SREBF2: variants seen among roughly 807,000 people sequenced by gnomAD.
The protein encoded by SREBF2 is sterol regulatory element binding transcription factor 2, also known as sterol regulatory element-binding protein 2.
Under a neutral mutation model 113.1 loss-of-function variants are expected in SREBF2, and 55 were observed. That is an observed-to-expected ratio of 0.49 (90% CI 0.39 to 0.61). SREBF2 has a LOEUF of 0.61. Among genes scored for constraint, SREBF2 ranks in the 20% least tolerant of loss-of-function variants. The pLI is 0.00. For synonymous variants in SREBF2, 593 were observed against 605.7 expected, an observed-to-expected ratio of 0.98 and a Z score of 0.31; for missense variants, 1,349 against 1,487.4, an observed-to-expected ratio of 0.91 and a Z score of 1.53.
At chr22:41,889,246 C>G (rs548329861) in intron 11 of SREBF2, among the ~76,000 whole-genome samples, 1 of 152,254 alleles carries the variant, frequency 6.6e-6, no homozygotes, top group Non-Finnish European at 1.5e-5. Context: ...CCCACCTCAC[C>G]CTCCCGAGTA....
At position 41,902,962 on chromosome 22, in the gene SREBF2, C is replaced by T; in HGVS notation, c.2908-8C>T. 6.2e-7 allele frequency: 1 copy of T among 1,608,258 alleles called. No homozygotes were observed. On this transcript the variant is annotated splice_polypyrimidine_tract_variant and splice_region_variant and intron_variant, in intron 16 of 18. Coordinates refer to ENST00000361204, the MANE Select transcript of SREBF2 (RefSeq NM_004599.4). ...CCTGTCTCCCCTCTCTCGTGGCTGA[C>T]CCCACAGGTGGTCCAGCTGCTCACC...
At position 41,883,663 on chromosome 22, in the gene SREBF2, T is replaced by G. The variant is rs1035786011; in HGVS notation, c.2039-1179T>G. ...ATGGTTGCCACACTGCCCTCTCACC[T>G]CCCTTCCTGTGTCTCCTGCAGGAGG... On this transcript the variant is annotated intron_variant, in intron 10 of 18. Coordinates refer to ENST00000361204, the MANE Select transcript of SREBF2 (RefSeq NM_004599.4). Among the ~76,000 whole-genome samples, 17 of 152,208 alleles carry G rather than the reference T, an allele frequency of 1.1e-4. 1 individual carries two copies. The highest frequency in any genetic ancestry group is 1.0e-3 in the Admixed American group (16 of 15,288).
At position 41,866,922 on chromosome 22, in the gene SREBF2, T is replaced by C; in HGVS notation, c.180T>C (p.Ser60=). Residue 60 remains serine, a synonymous_variant, in exon 2 of 19, where the codon AGT becomes AGC. Coordinates refer to ENST00000361204, the MANE Select transcript of SREBF2 (RefSeq NM_004599.4). The part of the protein sequence containing the change: ...LCSSFPGSGG[S]GSSSGSSGSS... ...GCTCCTTTCCTGGCAGTGGTGGTAG[T>C]GGTAGCAGCAGCGGCAGCAGTGGCA... 1 of 1,613,908 alleles carries C rather than the reference T, an allele frequency of 6.2e-7. No individual in the cohort carries two copies.
chr22:41,853,914 A>G (rs963397527), intron 1 of SREBF2, among the ~76,000 whole-genome samples: 2 of 151,740 alleles, frequency 1.3e-5, no homozygotes, highest in Admixed American at 6.6e-5. Context: ...GGGCGCCTGT[A>G]GTCCCAGCTA....
intron 1 of SREBF2, among the ~76,000 whole-genome samples, chr22:41,839,811 T>C (rs7293096): frequency 0.12 from 18,881 of 152,222 alleles, 1,688 homozygotes; most frequent in Admixed American, 0.31. Context: ...GGCTACATTA[T>C]GAATGAAGCT....
chr22:41,861,692 G>A (rs1415515363), intron 1 of SREBF2, among the ~76,000 whole-genome samples: 4 of 152,256 alleles, frequency 2.6e-5, no homozygotes, highest in Middle Eastern at 3.4e-3. Flanking sequence ...AGAGGCCGAG[G>A]TAGGCGGATC....
intron 1 of SREBF2, among the ~76,000 whole-genome samples, chr22:41,844,811 GA>G (rs2076862228): frequency 6.6e-6 from 1 of 152,000 alleles, no homozygotes; most frequent in African/African-American, 2.4e-5. Context: ...CCACAGCTGT[GA>G]AAGGAAATCA....
chr22:41,903,198 G>A lies in SREBF2; in HGVS notation c.3093+43G>A, dbSNP rs942608009. On this transcript the variant is annotated intron_variant, in intron 17 of 18. Coordinates refer to ENST00000361204, the MANE Select transcript of SREBF2 (RefSeq NM_004599.4). ...GGTGGGGCAGGGCAGATTGGAGCCTGTGGGGCCTGAGCCCAGAACCCAGCA... is the reference window on the plus strand; with the variant it reads ...GGTGGGGCAGGGCAGATTGGAGCCTATGGGGCCTGAGCCCAGAACCCAGCA... 6 of 1,542,186 alleles carry A rather than the reference G, an allele frequency of 3.9e-6. No individual in the cohort carries two copies. In the East Asian group the frequency reaches 9.8e-5, roughly 25 times the overall value.
chr22:41,881,818 TC>T (rs958743582), intron 10 of SREBF2, among the ~76,000 whole-genome samples: 1 of 152,152 alleles, frequency 6.6e-6, no homozygotes, highest in African/African-American at 2.4e-5. Context: ...ACACCTGTAG[TC>T]CCAGCACTTT....
intron 10 of SREBF2, among the ~76,000 whole-genome samples, chr22:41,884,290 C>T (rs527242866): frequency 6.6e-6 from 1 of 152,262 alleles, no homozygotes; most frequent in East Asian, 1.9e-4. Flanking sequence ...CGTGTGCCAC[C>T]ACGTCCAGCT....
chr22:41,891,877 A>C (rs1665397624), intron 11 of SREBF2, among the ~76,000 whole-genome samples: 2 of 152,058 alleles, frequency 1.3e-5, no homozygotes, highest in African/African-American at 4.8e-5. Context: ...AAATACCCTC[A>C]CTCAAAAAGT....
chr22:41,897,410 C>T (rs899566707), intron 14 of SREBF2, among the ~76,000 whole-genome samples: 3 of 152,176 alleles, frequency 2.0e-5, no homozygotes, highest in Non-Finnish European at 4.4e-5. Flanking sequence ...CTGTGTGACC[C>T]AGGTGAGGAC....
intron 1 of SREBF2, among the ~76,000 whole-genome samples, chr22:41,864,157 G>A (rs2077049118): frequency 7.2e-6 from 1 of 139,502 alleles, no homozygotes; most frequent in South Asian, 2.3e-4. Flanking sequence ...GGGATTACAA[G>A]CATAAGCCAC....
chr22:41,862,587 C>T (rs1403363672), intron 1 of SREBF2, among the ~76,000 whole-genome samples: 1 of 152,196 alleles, frequency 6.6e-6, no homozygotes, highest in African/African-American at 2.4e-5. Flanking sequence ...GTGGAAATGA[C>T]AGCCTGTGTA....
intron 1 of SREBF2, among the ~76,000 whole-genome samples, chr22:41,864,389 C>T (rs1159403237): frequency 6.9e-6 from 1 of 144,054 alleles, no homozygotes; most frequent in African/African-American, 2.6e-5. Flanking sequence ...GGCACGATCT[C>T]TGCTCACTGC....
At chr22:41,862,295 A>G (rs2077034620) in intron 1 of SREBF2, among the ~76,000 whole-genome samples, 1 of 152,216 alleles carries the variant, frequency 6.6e-6, no homozygotes, top group African/African-American at 2.4e-5. Context: ...GGATGATAAC[A>G]GGAACCTCTA....
rs1602357356 is a variant in SREBF2 at position 41,905,849 on chromosome 22, T to C, written c.*189T>C. 2 of 745,204 alleles carry C rather than the reference T, an allele frequency of 2.7e-6. No homozygotes were observed. The highest frequency in any genetic ancestry group is 4.7e-6 in the Non-Finnish European group (2 of 421,462). The allele number at this position is 745,204 out of a possible 1,614,324, so 46.2% of individuals were successfully genotyped here. On this transcript the variant is annotated 3_prime_UTR_variant, in exon 19 of 19. Coordinates refer to ENST00000361204, the MANE Select transcript of SREBF2 (RefSeq NM_004599.4). ...AGCTGCTGTCACTAGATGCCCATGGTCCAGGGCCTGGTGGGCGTGAGAGGA... is the reference window on the plus strand; with the variant it reads ...AGCTGCTGTCACTAGATGCCCATGGCCCAGGGCCTGGTGGGCGTGAGAGGA...
rs535423886 is a variant in SREBF2 at position 41,848,304 on chromosome 22, A to T, written c.88+14946A>T. 2.0e-5 allele frequency among the ~76,000 whole-genome samples: 3 copies of T among 151,962 alleles called. No homozygotes were observed. In the East Asian group the frequency reaches 5.8e-4, roughly 29 times the overall value. ...GAGTTTCACCGTGTTAGCCAGGATG[A>T]TCTCAATCTCCTGACCTCATGATCC... On this transcript the variant is annotated intron_variant, in intron 1 of 18. Transcript: ENST00000361204.
At chr22:41,902,575 T>G (rs985142834) in intron 16 of SREBF2, among the ~76,000 whole-genome samples, 1 of 152,098 alleles carries the variant, frequency 6.6e-6, no homozygotes, top group Middle Eastern at 3.2e-3. Context: ...GGCTTTTCCT[T>G]GGTACCTTGT....
Sources: gnomAD v4.1 joint callset for allele counts (sites outside exome capture counted in the v4.1 genomes callset) on GRCh38, gnomAD v4.1.1 for gene constraint, MANE v1.5 for transcripts, NCBI Gene and HGNC (gene_info 2026-07-23, HGNC 2026-07-21) for gene names.